The following HHIP variants were observed in gnomAD, a reference collection of about 807,000 sequenced individuals.
HHIP encodes hedgehog-interacting protein.
HHIP carries 12 observed loss-of-function variants against 74.0 expected under a neutral mutation model. The observed-to-expected ratio is 0.16, with a 90% CI of 0.10 to 0.26. The LOEUF is 0.26. HHIP is among the 10% of genes least tolerant of loss of function. The pLI is 1.00. For synonymous variants in HHIP, 309 were observed against 311.6 expected (o/e 0.99, Z 0.09); for missense variants, 788 against 845.0 (o/e 0.93, Z 0.84).
At chr4:144,703,327 C>T (rs768855327) in intron 4 of HHIP, among the ~76,000 whole-genome samples, 6 of 152,026 alleles carry the variant, frequency 3.9e-5, no homozygotes, top group Non-Finnish European at 7.4e-5. Flanking sequence ...CCCTTTTTAG[C>T]CAGCTTGGCT....
intron 4 of HHIP, among the ~76,000 whole-genome samples, chr4:144,682,694 T>A (rs1729379641): frequency 6.6e-6 from 1 of 152,240 alleles, no homozygotes; most frequent in Non-Finnish European, 1.5e-5. Context: ...TCTCTATGTG[T>A]CAAACAAAAT....
intron 12 of HHIP, among the ~76,000 whole-genome samples, chr4:144,736,450 G>C (rs980386744): frequency 1.3e-5 from 2 of 151,980 alleles, no homozygotes; most frequent in Non-Finnish European, 2.9e-5. Context: ...GCATCTTTTA[G>C]TAACAGAATA....
intron 11 of HHIP, among the ~76,000 whole-genome samples, chr4:144,719,807 T>A (rs1730580115): frequency 6.6e-6 from 1 of 152,224 alleles, no homozygotes; most frequent in Non-Finnish European, 1.5e-5. Context: ...AATTTCGGAT[T>A]CCTTCTATAC....
At chr4:144,720,146 T>C (rs1194897024) in intron 11 of HHIP, among the ~76,000 whole-genome samples, 1 of 152,190 alleles carries the variant, frequency 6.6e-6, no homozygotes, top group East Asian at 1.9e-4. Flanking sequence ...TACCCATCTA[T>C]ATACTATAGT....
chr4:144,659,093 C>A, intron 3 of HHIP, 147 bp downstream of exon 3: 1 of 592,812 alleles, frequency 1.7e-6, no homozygotes, highest in South Asian at 3.2e-5. Flanking sequence ...TAGTTTGTTT[C>A]TCTAAAATTC....
chr4:144,688,791 G>T (rs575021141), intron 4 of HHIP, among the ~76,000 whole-genome samples: 1 of 143,592 alleles, frequency 7.0e-6, no homozygotes, highest in East Asian at 1.9e-4. Flanking sequence ...GAAGGGATGA[G>T]AAGTCATTCT....
intron 1 of HHIP, chr4:144,650,593 C>T (rs1204734448): frequency 6.6e-6 from 1 of 152,108 alleles, no homozygotes; most frequent in African/African-American, 2.4e-5. Flanking sequence ...GTTTAATTGA[C>T]TTCAGTAAGA....
chr4:144,681,940 T>C (rs546933850), intron 4 of HHIP, among the ~76,000 whole-genome samples: 8 of 152,334 alleles, frequency 5.3e-5, no homozygotes, highest in African/African-American at 1.9e-4. Flanking sequence ...TCATGCCACC[T>C]AGCTCTTTCA....
At chr4:144,701,940 T>C (rs1273484388) in intron 4 of HHIP, among the ~76,000 whole-genome samples, 2 of 152,152 alleles carry the variant, frequency 1.3e-5, no homozygotes, top group African/African-American at 2.4e-5. Flanking sequence ...ATGAAGAGAA[T>C]GTTGTCTTTT....
chr4:144,660,023 T>C lies in HHIP; in HGVS notation c.831+185T>C, dbSNP rs555629486. 1.4e-4 allele frequency: 83 copies of C among 592,450 alleles called. No homozygotes were observed. In the East Asian group the frequency reaches 2.3e-3, roughly 16 times the overall value. The allele number at this position is 592,450 out of a possible 1,614,324, so 36.7% of individuals were successfully genotyped here. On this transcript the variant is annotated intron_variant, in intron 4 of 12. Coordinates refer to ENST00000296575, the MANE Select transcript of HHIP (RefSeq NM_022475.3). ...GGACAGTGACATTAAATTTCTGTTATTTGTTGACTATTGTGCGCTGCAATC... is the reference window on the plus strand; with the variant it reads ...GGACAGTGACATTAAATTTCTGTTACTTGTTGACTATTGTGCGCTGCAATC...
At chr4:144,649,914 T>G (rs1462590543) in intron 1 of HHIP, among the ~76,000 whole-genome samples, 1 of 152,162 alleles carries the variant, frequency 6.6e-6, no homozygotes. Context: ...GAAACTGAAC[T>G]CTTTAATGAC....
chr4:144,657,465 T>C (rs931300171), intron 2 of HHIP, among the ~76,000 whole-genome samples: 4 of 152,168 alleles, frequency 2.6e-5, no homozygotes, highest in African/African-American at 7.2e-5. Context: ...ATATAAAGTA[T>C]AAGACCAGAA....
intron 4 of HHIP, among the ~76,000 whole-genome samples, chr4:144,674,707 C>A (rs1253484086): frequency 6.6e-6 from 1 of 152,158 alleles, no homozygotes; most frequent in Non-Finnish European, 1.5e-5. Flanking sequence ...TCTGAAACCA[C>A]CACACACAAA....
intron 11 of HHIP, 97 bp from the exon 12 acceptor site, chr4:144,734,644 G>A (rs1462819208): frequency 3.2e-6 from 3 of 945,102 alleles, no homozygotes; most frequent in South Asian, 2.6e-5. Context: ...TCTCTAGAAA[G>A]TAAGAGGCAT....
chr4:144,709,931 C>T (rs188711322), intron 7 of HHIP, among the ~76,000 whole-genome samples: 30 of 152,300 alleles, frequency 2.0e-4, no homozygotes, highest in African/African-American at 4.8e-4. Flanking sequence ...GACATTGACA[C>T]GTCATAATCA....
chr4:144,647,050 A>G, intron 1 of HHIP, 96 bp downstream of exon 1: 1 of 1,095,092 alleles, frequency 9.1e-7, no homozygotes. Context: ...AAGAAGGTCA[A>G]AACTTCTTTG....
chr4:144,719,275 G>T (rs562097232), intron 11 of HHIP, among the ~76,000 whole-genome samples: 3 of 152,186 alleles, frequency 2.0e-5, no homozygotes, highest in Non-Finnish European at 4.4e-5. Context: ...AGGCTCTGGT[G>T]TTGGAAGCCA....
At chr4:144,735,347 G>A (rs1259204246) in intron 12 of HHIP, among the ~76,000 whole-genome samples, 2 of 152,070 alleles carry the variant, frequency 1.3e-5, no homozygotes, top group Non-Finnish European at 2.9e-5. Flanking sequence ...TTCAGTGGGT[G>A]TTATTAAATA....
In HHIP at chr4:144,707,188, A is replaced by C; in HGVS notation, c.1085A>C (p.Asp362Ala). 3 of 1,614,046 alleles carry C rather than the reference A, an allele frequency of 1.9e-6. No individual in the cohort carries two copies. The highest frequency in any genetic ancestry group is 2.5e-6 in the Non-Finnish European group (3 of 1,179,976). The change falls in exon 6 of 13, where the codon GAC becomes GCC. Residue 362 changes from aspartate to alanine, a missense_variant. Asp to Ala is a moderately radical substitution (Grantham distance 126). Coordinates refer to ENST00000296575, the MANE Select transcript of HHIP (RefSeq NM_022475.3). ...GGAGGACAACTGCTCTTTGGCCCTG[A>C]CGGCTTTTTGTACATCATTCTTGGT... ...HLGGQLLFGPDGFLYIILGDG... is the reference protein window; with the variant it reads ...HLGGQLLFGPAGFLYIILGDG...
Sources: allele counts gnomAD v4.1 joint callset (sites outside exome capture counted in the v4.1 genomes callset), GRCh38; gene constraint gnomAD v4.1.1; transcripts MANE v1.5; gene names NCBI Gene and HGNC (gene_info 2026-07-23, HGNC 2026-07-21).